Variants in MAST2 observed in about 807,000 individuals in gnomAD.
MAST2 encodes microtubule-associated serine/threonine-protein kinase 2.
In MAST2, 70 loss-of-function variants were observed where a neutral mutation model predicts 147.4. The ratio of observed to expected loss-of-function variants is 0.47; its 90% confidence interval spans 0.39 to 0.58. The LOEUF is 0.58. MAST2 is among the 20% of genes least tolerant of loss of function. MAST2 has a pLI of 0.00. For missense variants in MAST2, 2,080 were observed against 2,302.3 expected, an observed-to-expected ratio of 0.90 and a Z score of 1.98; for synonymous variants, 869 against 896.8, an observed-to-expected ratio of 0.97 and a Z score of 0.55.
chr1:45,851,790 A>AG lies in MAST2; in HGVS notation c.468+22212dup, dbSNP rs143826412. 6.6e-3 allele frequency among the ~76,000 whole-genome samples: 1,006 copies of AG among 152,010 alleles called. 11 individuals carry two copies. Among genetic ancestry groups the AG allele is most frequent in the African/African-American group, 0.023 (970 of 41,448 alleles). On this transcript the variant is annotated intron_variant, in intron 3 of 28. Transcript: ENST00000361297. ...TACTTGAAATGAATTACCTGAGCTG[A>AG]GGGACTGAGATTGCTGCTGGCAAAT...
chr1:45,978,698 G>A lies in MAST2; in HGVS notation c.593-19026G>A, dbSNP rs548271272. Among the ~76,000 whole-genome samples the A allele has an allele frequency of 2.2e-4, 34 of 152,244 alleles. 1 individual carries two copies. In the East Asian group the frequency reaches 2.7e-3, roughly 12 times the overall value. Reference sequence around the variant, plus strand: ...GCAAAACAGCTTGGTGTTTTCTTACGTAAAGTACAGAAACAAGCAAACTAG... The same window carrying A: ...GCAAAACAGCTTGGTGTTTTCTTACATAAAGTACAGAAACAAGCAAACTAG... On this transcript the variant is annotated intron_variant, in intron 5 of 28. Coordinates refer to ENST00000361297, the MANE Select transcript of MAST2 (RefSeq NM_015112.3).
chr1:45,912,828 G>A (rs1651884765), intron 4 of MAST2, among the ~76,000 whole-genome samples: 1 of 152,170 alleles, frequency 6.6e-6, no homozygotes, highest in Non-Finnish European at 1.5e-5. Flanking sequence ...CTCCAAGAGG[G>A]CAAGACTTAC....
At chr1:45,816,221 A>AAGAGAGAGAGAGAGAG (rs144287036) in intron 1 of MAST2, among the ~76,000 whole-genome samples, 3 of 134,738 alleles carry the variant, frequency 2.2e-5, no homozygotes, top group Non-Finnish European at 4.7e-5. Context: ...GAGAGAGAGA[A>AAGAGAGAGAGAGAGAG]AGAGAGAGAG....
rs766836639 is a variant in MAST2, at chr1:46,034,596, C to A, written c.3927C>A (p.Ala1309=). The change falls in exon 29 of 29, where the codon GCC becomes GCA. Residue 1309 remains alanine, a synonymous_variant. Transcript: ENST00000361297. ...SPSSSVPSSP[A]GSGHTRPSSL... ...GCTCCAGCGTGCCCAGTTCCCCAGC[C>A]GGCTCTGGGCACACACGGCCCAGCT... The A allele has an allele frequency of 1.2e-6, 2 of 1,613,942 alleles. No homozygotes were observed. Among genetic ancestry groups the A allele is most frequent in the Admixed American group, 3.3e-5 (2 of 59,998 alleles).
intron 3 of MAST2, among the ~76,000 whole-genome samples, chr1:45,849,208 T>C (rs1472185108): frequency 6.6e-6 from 1 of 152,130 alleles, no homozygotes; most frequent in Non-Finnish European, 1.5e-5. Flanking sequence ...CCAAGAACAT[T>C]CTTCACAGAA....
In MAST2 at chr1:45,900,086, C is replaced by A. The variant is rs376169526; in HGVS notation, c.500+17691C>A. 1.5e-4 allele frequency among the ~76,000 whole-genome samples: 21 copies of A among 144,448 alleles called. No individual in the cohort carries two copies. The East Asian group carries it at 4.1e-3, about 28-fold the overall frequency. The allele number at this position is 144,448 out of a possible 152,430, so 94.8% of individuals were successfully genotyped here. A position where few individuals can be genotyped will look rare whatever the true frequency, so the allele number is the denominator to read the frequency against. On this transcript the variant is annotated intron_variant, in intron 4 of 28. Coordinates refer to ENST00000361297, the MANE Select transcript of MAST2 (RefSeq NM_015112.3). ...TTGGGAGGCTGAGGCAGAAGAATTG[C>A]TTGTACCTGGGAGCCAGTGGTTGCA...
chr1:46,002,685 G>A (rs1301740243), intron 6 of MAST2, 120 bp from the exon 7 acceptor site: 4 of 791,738 alleles, frequency 5.1e-6, no homozygotes, highest in South Asian at 1.5e-5. Flanking sequence ...GAGCAGTAAT[G>A]TCTTAAGGAG....
In MAST2 at chr1:45,841,570, A is replaced by G. The variant is rs563674175; in HGVS notation, c.468+11989A>G. ...CTGGCTAATTTTTTGACTTTTTTGT[A>G]GAGACAGGATTTCGCCATGTTGTGC... On this transcript the variant is annotated intron_variant, in intron 3 of 28. Coordinates refer to ENST00000361297, the MANE Select transcript of MAST2 (RefSeq NM_015112.3). 2.0e-5 allele frequency among the ~76,000 whole-genome samples: 3 copies of G among 152,206 alleles called. No individual in the cohort carries two copies. In the South Asian group the frequency reaches 6.2e-4, roughly 32 times the overall value.
At chr1:46,015,552 C>T (rs1377126574) in intron 10 of MAST2, among the ~76,000 whole-genome samples, 13 of 152,102 alleles carry the variant, frequency 8.5e-5, no homozygotes, top group Non-Finnish European at 1.8e-4. Flanking sequence ...AACATCTCTA[C>T]GCAAATAAAC....
chr1:46,030,025 A>G (rs1646578393), intron 20 of MAST2, 72 bp downstream of exon 20: 1 of 1,605,194 alleles, frequency 6.2e-7, no homozygotes, highest in Non-Finnish European at 8.5e-7. Context: ...GCACACTGAA[A>G]TTGCATTGGG....
chr1:45,986,604 G>C (rs1208773862), intron 5 of MAST2, among the ~76,000 whole-genome samples: 2 of 151,490 alleles, frequency 1.3e-5, no homozygotes, highest in African/African-American at 4.9e-5. Flanking sequence ...TGTAGTCCCA[G>C]CTACTCAGAG....
At chr1:45,899,506 A>G (rs1045645529) in intron 4 of MAST2, among the ~76,000 whole-genome samples, 5 of 151,682 alleles carry the variant, frequency 3.3e-5, no homozygotes, top group African/African-American at 1.2e-4. Context: ...TTCCATCTTT[A>G]TGACCACACG....
chr1:45,889,838 C>A (rs1377359279), intron 4 of MAST2, among the ~76,000 whole-genome samples: 2 of 151,736 alleles, frequency 1.3e-5, no homozygotes, highest in Non-Finnish European at 2.9e-5. Context: ...CTCGAACTCC[C>A]AACCTCAGGT....
At chr1:45,939,676 A>ACAC (rs1656879392) in intron 4 of MAST2, among the ~76,000 whole-genome samples, 1 of 151,952 alleles carries the variant, frequency 6.6e-6, no homozygotes, top group African/African-American at 2.4e-5. Flanking sequence ...AAGCAGTGGG[A>ACAC]CTACAGGCAT....
At chr1:46,029,068 G>C in intron 18 of MAST2, 135 bp downstream of exon 18, 1 of 1,016,436 alleles carries the variant, frequency 9.8e-7, no homozygotes, top group Non-Finnish European at 1.4e-6. Flanking sequence ...GCTGCTTTGG[G>C]GATGGGTGTC....
intron 3 of MAST2, among the ~76,000 whole-genome samples, chr1:45,846,044 G>A (rs550275109): frequency 1.3e-5 from 2 of 152,324 alleles, no homozygotes; most frequent in African/African-American, 4.8e-5. Flanking sequence ...ACAGGCATGA[G>A]CCACTGTGCC....
intron 3 of MAST2, among the ~76,000 whole-genome samples, chr1:45,857,979 A>G (rs1329602801): frequency 3.4e-5 from 5 of 148,282 alleles, no homozygotes; most frequent in Non-Finnish European, 5.9e-5. Flanking sequence ...TCCATGGTGT[A>G]TATGTGCCAC....
At chr1:45,843,406 T>C (rs1374428196) in intron 3 of MAST2, among the ~76,000 whole-genome samples, 2 of 152,230 alleles carry the variant, frequency 1.3e-5, no homozygotes, top group Admixed American at 1.3e-4. Flanking sequence ...GTTTTACTTC[T>C]TATATTTACT....
intron 6 of MAST2, among the ~76,000 whole-genome samples, chr1:45,999,613 A>G (rs1645192630): frequency 1.3e-5 from 2 of 152,168 alleles, no homozygotes; most frequent in African/African-American, 2.4e-5. Flanking sequence ...GAAACTCAGG[A>G]TGTAGGAGAG....
Sources: gnomAD v4.1 joint callset for allele counts (sites outside exome capture counted in the v4.1 genomes callset) on GRCh38, gnomAD v4.1.1 for gene constraint, MANE v1.5 for transcripts, NCBI Gene and HGNC (gene_info 2026-07-23, HGNC 2026-07-21) for gene names.